The following ITIH1 variants were observed in gnomAD, a reference collection of about 807,000 sequenced individuals.
The protein encoded by ITIH1 is inter-alpha-trypsin inhibitor heavy chain 1, also known as inter-alpha-trypsin inhibitor heavy chain H1.
Under a neutral mutation model 104.6 loss-of-function variants are expected in ITIH1, and 94 were observed. The ratio of observed to expected loss-of-function variants is 0.90; its 90% confidence interval spans 0.76 to 1.07. The LOEUF is 1.07. ITIH1 is among the 50% of genes least tolerant of loss of function. ITIH1 has a pLI of 0.00. For synonymous variants in ITIH1, 455 were observed against 464.4 expected, an observed-to-expected ratio of 0.98 and a Z score of 0.26; for missense variants, 1,193 against 1,181.4, an observed-to-expected ratio of 1.01 and a Z score of -0.14.
chr3:52,791,467 A>G (rs367861325), intron 20 of ITIH1, 50 bp from the exon 21 acceptor site: 2 of 1,470,498 alleles, frequency 1.4e-6, no homozygotes, highest in African/African-American at 1.4e-5. Flanking sequence ...AGTGCAGGGC[A>G]GGAGCAAGTC....
At chr3:52,784,231 G>C (rs1699138944) in intron 10 of ITIH1, 65 bp from the exon 11 acceptor site, 8 of 1,411,780 alleles carry the variant, frequency 5.7e-6, no homozygotes, top group Admixed American at 4.0e-5. Flanking sequence ...GTTCCCCAGA[G>C]CCCCCTCGTG....
intron 8 of ITIH1, 56 bp downstream of exon 8, chr3:52,782,323 C>T: frequency 7.5e-7 from 1 of 1,328,912 alleles, no homozygotes; most frequent in Non-Finnish European, 1.1e-6. Flanking sequence ...CCCCATCACT[C>T]ACCACATGCC....
At chr3:52,784,149 G>C in intron 10 of ITIH1, 147 bp from the exon 11 acceptor site, 1 of 670,358 alleles carries the variant, frequency 1.5e-6, no homozygotes, top group Non-Finnish European at 2.5e-6. Context: ...GGAGAGCCAG[G>C]AGGACGCGAT....
intron 8 of ITIH1, 27 bp from the exon 9 acceptor site, chr3:52,782,930 T>G (rs1261099514): frequency 2.5e-6 from 4 of 1,612,328 alleles, no homozygotes; most frequent in Non-Finnish European, 2.5e-6. Context: ...GGGCCCTGTC[T>G]GTCTACTGAC....
chr3:52,781,222 TC>T (rs1183941705), intron 6 of ITIH1, among the ~76,000 whole-genome samples: 7 of 54,618 alleles, frequency 1.3e-4, no homozygotes, highest in African/African-American at 4.6e-4. Flanking sequence ...TTCTTCTTCT[TC>T]TTCTTCTTCT....
At position 52,786,342 on chromosome 3, in the gene ITIH1, G is replaced by A; in HGVS notation, c.1641G>A (p.Met547Ile). The change falls in exon 13 of 22, where the codon ATG becomes ATA. Residue 547 changes from methionine to isoleucine, a missense_variant. Physicochemically the swap from Met to Ile is conservative, Grantham distance 10 (BLOSUM62 1). Transcript: ENST00000273283. ...CCTGCCTAGTGGATGAGGAGGAGAT[G>A]AAGAAACTGCTCCGAGAGCGTGGCC... is the stretch of plus-strand genomic sequence containing the variant. Reference protein sequence around the residue: ...SITCLVDEEEMKKLLRERGHM... With the variant: ...SITCLVDEEEIKKLLRERGHM... 1 of 1,574,926 alleles carries A rather than the reference G, an allele frequency of 6.3e-7. No homozygotes were observed. Among genetic ancestry groups the A allele is most frequent in the Non-Finnish European group, 8.6e-7 (1 of 1,159,244 alleles).
rs1466654798 is a variant in ITIH1, at chr3:52,779,586, C to G, written c.565C>G (p.His189Asp). Residue 189 changes from histidine to aspartate, a missense_variant, in exon 5 of 22, where the codon CAT (histidine) becomes GAT (aspartate). Coordinates refer to ENST00000273283, the MANE Select transcript of ITIH1 (RefSeq NM_002215.4). The surrounding 1 kb of genome is among the most constrained non-coding windows in gnomAD (Gnocchi z 4.4). Reference sequence around the variant, plus strand: ...AGTCAAGCCCAAGCAGCTGGTGCATCATTTTGAGGTAGATCACAGGTCCCG... The same window carrying G: ...AGTCAAGCCCAAGCAGCTGGTGCATGATTTTGAGGTAGATCACAGGTCCCG... ...IKVKPKQLVH[H>D]FEIDVDIFEP... The G allele has an allele frequency of 6.2e-7, 1 of 1,614,018 alleles. No homozygotes were observed. The highest frequency in any genetic ancestry group is 1.3e-5 in the African/African-American group (1 of 74,924).
chr3:52,788,579 G>C (rs1421176001), intron 18 of ITIH1, among the ~76,000 whole-genome samples: 1 of 85,794 alleles, frequency 1.2e-5, no homozygotes, highest in African/African-American at 3.5e-5. Flanking sequence ...TTTTTTTTCT[G>C]AGACAGAGTC....
chr3:52,778,723 G>A (rs2154108117), intron 3 of ITIH1: 1 of 1,413,042 alleles, frequency 7.1e-7, no homozygotes, highest in Non-Finnish European at 9.3e-7. Context: ...GCATGTTTCA[G>A]GCTAGAACCC....
Position 52,791,999 on chromosome 3 carries a change from T to A in ITIH1, c.*88T>A. 7.0e-7 allele frequency: 1 copy of A among 1,420,172 alleles called. No homozygotes were observed. Among genetic ancestry groups the A allele is most frequent in the Non-Finnish European group, 9.6e-7 (1 of 1,043,024 alleles). 88.0% of individuals were successfully genotyped at this position (1,420,172 alleles called of 1,614,324 possible). On this transcript the variant is annotated 3_prime_UTR_variant, in exon 22 of 22. Transcript: ENST00000273283. The stretch of plus-strand genomic sequence containing the variant: ...GACCTGCTGCTGAGGCTGTACCTCC[T>A]TGACTAAGCTGGTTCCTTGTGTCAA...
chr3:52,785,278 G>A (rs918420144), intron 12 of ITIH1, 49 bp downstream of exon 12: 1 of 1,574,422 alleles, frequency 6.4e-7, no homozygotes, highest in Non-Finnish European at 8.7e-7. Flanking sequence ...CACCCTAGAG[G>A]CTCCAAACCC....
Position 52,785,162 on chromosome 3 carries a change from T to C in ITIH1, c.1526T>C (p.Ile509Thr), listed in dbSNP as rs1699169447. The C allele has an allele frequency of 3.1e-6, 5 of 1,614,004 alleles. No individual in the cohort carries two copies. The highest frequency in any genetic ancestry group is 2.7e-5 in the African/African-American group (2 of 74,906). ...HHKQYYEGSEIVVAGRIADNK... is the reference protein window; with the variant it reads ...HHKQYYEGSETVVAGRIADNK... ...AAACAGTACTACGAAGGCTCAGAGA[T>C]TGTGGTGGCCGGGCGCATTGCTGAC... The change falls in exon 12 of 22, where the codon ATT (isoleucine) becomes ACT (threonine). Residue 509 changes from isoleucine (I) to threonine (T), a missense_variant. By Grantham distance (89) the Ile-to-Thr change is moderately conservative. Transcript: ENST00000273283.
rs1699142827 is a variant in ITIH1, at chr3:52,784,339, C to T, written c.1269C>T (p.Ala423=). The T allele has an allele frequency of 6.2e-7, 1 of 1,614,164 alleles. No individual in the cohort carries two copies. The highest frequency in any genetic ancestry group is 8.5e-7 in the Non-Finnish European group (1 of 1,180,006). ...RSQILKNVRN[A]IRGRFPLYNL... ...AAATCCTCAAGAACGTCCGCAACGC[C>T]ATCCGGGGCAGGTTCCCGCTCTACA... is the stretch of plus-strand genomic sequence containing the variant. Residue 423 remains alanine (A), a synonymous_variant, in exon 11 of 22, where the codon GCC becomes GCT. Coordinates refer to ENST00000273283, the MANE Select transcript of ITIH1 (RefSeq NM_002215.4).
rs1559462744 is a variant in ITIH1, at chr3:52,783,334, C to T, written c.1220C>T (p.Thr407Ile). The T allele has an allele frequency of 1.1e-5, 17 of 1,613,948 alleles. No homozygotes were observed. Among genetic ancestry groups the T allele is most frequent in the Non-Finnish European group, 1.4e-5 (17 of 1,180,018 alleles). The part of the protein sequence containing the change: ...ILIMLTDGDP[T>I]EGVTDRSQIL... ...ATCATGTTGACAGATGGCGATCCCA[C>T]AGAGGGTAAGCACCTTGGGGGCTGC... Residue 407 changes from threonine to isoleucine, a missense_variant, in exon 10 of 22, where the codon ACA becomes ATA. Thr to Ile is a moderately conservative substitution (Grantham distance 89). Transcript: ENST00000273283.
chr3:52,781,236 T>C (rs1335325913), intron 6 of ITIH1, among the ~76,000 whole-genome samples: 2 of 96,822 alleles, frequency 2.1e-5, no homozygotes, highest in African/African-American at 3.6e-5. Context: ...CTTCTTCTTC[T>C]TCTTCTTCTT....
At chr3:52,782,374 G>A (rs991485229) in intron 8 of ITIH1, 107 bp downstream of exon 8, 5 of 825,268 alleles carry the variant, frequency 6.1e-6, no homozygotes, top group Non-Finnish European at 1.0e-5. Context: ...TATCCTCCTG[G>A]TCAGAGGCAG....
rs2154108835 is a variant in ITIH1, at chr3:52,790,608, AGG to A, written c.2322-140_2322-139del. On this transcript the variant is annotated intron_variant, in intron 19 of 21. Coordinates refer to ENST00000273283, the MANE Select transcript of ITIH1 (RefSeq NM_002215.4). ...CAACATGTGGGGAGGGGCGTGGAAC[AGG>A]TAACAGCCGGCCATCTGGGGATGAA... 3 of 792,756 alleles carry A rather than the reference AGG, an allele frequency of 3.8e-6. 1 individual carries two copies. The East Asian group carries it at 7.7e-5, about 20-fold the overall frequency. The allele number at this position is 792,756 out of a possible 1,614,324, so 49.1% of individuals were successfully genotyped here.
rs1393030579 is a variant in ITIH1 at position 52,786,989 on chromosome 3, C to A, written c.1778C>A (p.Ala593Asp). The A allele has an allele frequency of 1.1e-5, 18 of 1,613,998 alleles. No homozygotes were observed. The highest frequency in any genetic ancestry group is 1.4e-5 in the Non-Finnish European group (16 of 1,179,986). ...REERANLSSQ[A>D]LQMSLDYGFV... ...GAGAGGGCCAACCTGTCATCCCAGG[C>A]CCTGCAGATGTCGCTGGACTATGGG... is the stretch of plus-strand genomic sequence containing the variant. Residue 593 changes from alanine (A) to aspartate (D), a missense_variant, in exon 14 of 22, where the codon GCC (alanine) becomes GAC (aspartate). By Grantham distance (126) the Ala-to-Asp change is moderately radical. Coordinates refer to ENST00000273283, the MANE Select transcript of ITIH1 (RefSeq NM_002215.4).
intron 12 of ITIH1, 94 bp from the exon 13 acceptor site, chr3:52,786,201 A>G (rs1014798716): frequency 1.3e-5 from 16 of 1,268,284 alleles, no homozygotes; most frequent in Non-Finnish European, 1.8e-5. Context: ...GAAGCTGCAG[A>G]TACCAGACGA....
Sources: allele counts gnomAD v4.1 joint callset (sites outside exome capture counted in the v4.1 genomes callset), GRCh38; gene constraint gnomAD v4.1.1; non-coding constraint Gnocchi (gnomAD v3.1); transcripts MANE v1.5; gene names NCBI Gene and HGNC (gene_info 2026-07-23, HGNC 2026-07-21).